MAPK8IP3: variants seen among roughly 807,000 people sequenced by gnomAD.
MAPK8IP3 encodes the protein mitogen-activated protein kinase 8 interacting protein 3, also known as C-Jun-amino-terminal kinase-interacting protein 3.
A neutral mutation model predicts 157.8 loss-of-function variants in MAPK8IP3; 49 were observed. That is an observed-to-expected ratio of 0.31 (90% CI 0.25 to 0.39). MAPK8IP3 has a LOEUF of 0.39. Ranked by LOEUF, MAPK8IP3 falls within the 10% of genes least tolerant of loss-of-function variation. The probability of loss-of-function intolerance (pLI) is 1.00; values close to 1 mark genes in which losing one functional copy is unlikely to be tolerated. For synonymous variants in MAPK8IP3, 897 were observed against 777.7 expected, an observed-to-expected ratio of 1.15 and a Z score of -2.55; for missense variants, 1,478 against 1,889.4, an observed-to-expected ratio of 0.78 and a Z score of 4.04.
intron 4 of MAPK8IP3, among the ~76,000 whole-genome samples, chr16:1,738,707 G>A (rs1186749497): frequency 2.2e-5 from 3 of 135,602 alleles, no homozygotes; most frequent in African/African-American, 8.5e-5. Context: ...ATGTGAGCGT[G>A]TGAGCATCCG....
At chr16:1,768,034 TCTC>T (rs757994192) in intron 28 of MAPK8IP3, 32 bp from the exon 29 acceptor site, 22 of 1,612,026 alleles carry the variant, frequency 1.4e-5, no homozygotes, top group East Asian at 6.7e-5. Context: ...CGCTGACCGC[TCTC>T]CTCTTCTCCC....
At position 1,729,555 on chromosome 16, in the gene MAPK8IP3, C is replaced by T. The variant is rs202162897; in HGVS notation, c.579C>T (p.Thr193=). 2,506 of 1,609,248 alleles carry T rather than the reference C, an allele frequency of 1.6e-3. 2 individuals are homozygous for T. The highest frequency in any genetic ancestry group is 1.9e-3 in the Non-Finnish European group (2,297 of 1,178,138). The part of the protein sequence containing the change: ...KMQQVGGNSQ[T]ESSLPGRSRK... The stretch of plus-strand genomic sequence containing the variant: ...AGCAGGTCGGAGGAAACAGCCAGAC[C>T]GAGAGCAGCCTGCCGGGGCGGAGGT... The change falls in exon 4 of 32, where the codon ACC becomes ACT. Residue 193 remains threonine (T), a synonymous_variant. Transcript: ENST00000610761.
rs1277552353 is a variant in MAPK8IP3 at position 1,741,130 on chromosome 16, A to G, written c.603-2202A>G. On this transcript the variant is annotated intron_variant, in intron 4 of 31. Coordinates refer to ENST00000610761, the MANE Select transcript of MAPK8IP3 (RefSeq NM_001318852.2). The surrounding 1 kb of genome is among the most constrained non-coding windows in gnomAD (Gnocchi z 6.9). The stretch of plus-strand genomic sequence containing the variant: ...GACTCATAGCCCAGCTCCCTCACTC[A>G]CCAGCCTGTGTCAGAGCCGGTGACA... Among the ~76,000 whole-genome samples, 1 of 151,904 alleles carries G rather than the reference A, an allele frequency of 6.6e-6. No individual in the cohort carries two copies. Among genetic ancestry groups the G allele is most frequent in the Non-Finnish European group, 1.5e-5 (1 of 67,936 alleles).
intron 9 of MAPK8IP3, 51 bp downstream of exon 9, chr16:1,758,210 G>A (rs759170196): frequency 6.2e-7 from 1 of 1,604,708 alleles, no homozygotes; most frequent in East Asian, 2.2e-5. Flanking sequence ...CGGGGGGAGT[G>A]GGTGGACGGG....
chr16:1,745,761 G>A (rs1026047079), intron 5 of MAPK8IP3: 1 of 152,262 alleles, frequency 6.6e-6, no homozygotes, highest in Non-Finnish European at 1.5e-5. Context: ...CTACTATAGA[G>A]GAAGGTGTGT....
At chr16:1,727,752 A>G (rs1170196675) in intron 2 of MAPK8IP3, among the ~76,000 whole-genome samples, 1 of 152,196 alleles carries the variant, frequency 6.6e-6, no homozygotes, top group African/African-American at 2.4e-5. Flanking sequence ...CCGCGCCAGC[A>G]GTGCAGCTTC....
At chr16:1,753,381 A>G (rs1022746952) in intron 8 of MAPK8IP3, among the ~76,000 whole-genome samples, 36 of 152,190 alleles carry the variant, frequency 2.4e-4, no homozygotes, top group African/African-American at 8.7e-4. Context: ...TGGCCTCCCA[A>G]ATCACACTGG....
intron 4 of MAPK8IP3, among the ~76,000 whole-genome samples, chr16:1,733,555 G>A (rs2039453262): frequency 6.6e-6 from 1 of 152,230 alleles, no homozygotes. Flanking sequence ...TGGGGCAGAA[G>A]GTGGCCCAGG....
intron 8 of MAPK8IP3, among the ~76,000 whole-genome samples, chr16:1,757,547 C>T (rs1463135118): frequency 6.6e-6 from 1 of 152,162 alleles, no homozygotes; most frequent in East Asian, 1.9e-4. Flanking sequence ...GGGCCAGGAC[C>T]CAGTGAGGAT....
chr16:1,729,641 C>T (rs2039159828), intron 4 of MAPK8IP3, 63 bp downstream of exon 4: 5 of 1,442,208 alleles, frequency 3.5e-6, no homozygotes, highest in Middle Eastern at 2.2e-4. Flanking sequence ...ACGCAGGACG[C>T]GGCACATGCC....
intron 1 of MAPK8IP3, among the ~76,000 whole-genome samples, chr16:1,717,158 C>A (rs552652590): frequency 6.6e-6 from 1 of 151,344 alleles, no homozygotes; most frequent in African/African-American, 2.4e-5. Flanking sequence ...ATCACTTGAA[C>A]CCAGGAGGCG....
In MAPK8IP3 at chr16:1,743,884, C is replaced by G; in HGVS notation, c.747+408C>G. The G allele has an allele frequency of 9.4e-7, 1 of 1,065,936 alleles. No individual in the cohort carries two copies. Among genetic ancestry groups the G allele is most frequent in the Non-Finnish European group, 1.1e-6 (1 of 880,184 alleles). 66.0% of individuals were successfully genotyped at this position (1,065,936 alleles called of 1,614,324 possible). On this transcript the variant is annotated intron_variant, in intron 5 of 31. Coordinates refer to ENST00000610761, the MANE Select transcript of MAPK8IP3 (RefSeq NM_001318852.2). This position sits in a 1 kb window ranked among gnomAD's most constrained non-coding sequence, Gnocchi z 5.6. ...CCCCTGAGAGCCACGCCTCTACTCT[C>G]GGAGGAACGTCAGTGTCTAGAGTGT...
chr16:1,760,627 C>T (rs764472745), intron 12 of MAPK8IP3, 95 bp downstream of exon 12: 45 of 1,450,694 alleles, frequency 3.1e-5, no homozygotes, highest in East Asian at 1.4e-4. Flanking sequence ...CCAGCCTGAG[C>T]GGCTCTGTGC....
intron 1 of MAPK8IP3, among the ~76,000 whole-genome samples, chr16:1,709,712 G>A (rs913147860): frequency 1.3e-5 from 2 of 152,248 alleles, no homozygotes; most frequent in Admixed American, 6.5e-5. Flanking sequence ...CACACGCACC[G>A]TCCGGTGCAG....
At chr16:1,709,835 T>C (rs987502779) in intron 1 of MAPK8IP3, among the ~76,000 whole-genome samples, 2 of 152,150 alleles carry the variant, frequency 1.3e-5, no homozygotes, top group Non-Finnish European at 2.9e-5. Context: ...AAATAAGGTG[T>C]GAGAGATGAC....
Position 1,766,732 on chromosome 16 carries a change from G to A in MAPK8IP3, c.2949G>A (p.Val983=), listed in dbSNP as rs200479942. 9.0e-4 allele frequency: 1,448 copies of A among 1,612,840 alleles called. 24 individuals carry two copies. The highest frequency in any genetic ancestry group is 2.1e-3 in the Middle Eastern group (13 of 6,062). ...WLGAQNGWLY[V]HSAVANWKKC... ...CCGCTTCCTTCCCTAGGCTCTATGT[G>A]CACTCGGCTGTGGCCAACTGGAAGA... Residue 983 remains valine (V), a synonymous_variant, in exon 24 of 32, where the codon GTG becomes GTA. Coordinates refer to ENST00000610761, the MANE Select transcript of MAPK8IP3 (RefSeq NM_001318852.2).
rs1344254855 is a variant in MAPK8IP3, at chr16:1,737,431, AGTGT to A, written c.603-5897_603-5894del. Among the ~76,000 whole-genome samples, 2 of 79,264 alleles carry A rather than the reference AGTGT, an allele frequency of 2.5e-5. 1 individual carries two copies. The highest frequency in any genetic ancestry group is 4.7e-5 in the Non-Finnish European group (2 of 42,132). The allele number at this position is 79,264 out of a possible 152,430, so 52.0% of individuals were successfully genotyped here. On this transcript the variant is annotated intron_variant, in intron 4 of 31. Transcript: ENST00000610761. ...GACCGTCCGTGTGAGCGTCCGTGTG[AGTGT>A]GTGAGCGTCCGTGTGAGTGTGACCA...
chr16:1,737,960 G>A (rs111163756), intron 4 of MAPK8IP3, among the ~76,000 whole-genome samples: 11 of 62,948 alleles, frequency 1.7e-4, no homozygotes, highest in Middle Eastern at 0.011. Flanking sequence ...CCGTGTGAGC[G>A]TCCGTGTGAG....
intron 5 of MAPK8IP3, chr16:1,744,748 T>G (rs1026905417): frequency 4.1e-6 from 4 of 985,512 alleles, no homozygotes; most frequent in Non-Finnish European, 4.8e-6. Flanking sequence ...CTTCTCATGA[T>G]GTCTTTCCTT....
Sources: gnomAD v4.1 joint callset for allele counts (sites outside exome capture counted in the v4.1 genomes callset) on GRCh38, gnomAD v4.1.1 for gene constraint, Gnocchi (gnomAD v3.1) non-coding constraint, MANE v1.5 for transcripts, NCBI Gene and HGNC (gene_info 2026-07-23, HGNC 2026-07-21) for gene names.